The following CWC27 variants were observed in gnomAD, a reference collection of about 807,000 sequenced individuals.
CWC27 encodes the protein spliceosome-associated protein CWC27 homolog.
CWC27 carries 47 observed loss-of-function variants against 63.6 expected under a neutral mutation model. That is an observed-to-expected ratio of 0.74 (90% CI 0.58 to 0.94). The LOEUF is 0.94. Ranked by LOEUF, CWC27 falls within the 40% of genes least tolerant of loss-of-function variation. CWC27 has a pLI of 0.00. For synonymous variants in CWC27, 175 were observed against 179.8 expected, an observed-to-expected ratio of 0.97 and a Z score of 0.22; for missense variants, 495 against 554.3, an observed-to-expected ratio of 0.89 and a Z score of 1.07.
intron 11 of CWC27, among the ~76,000 whole-genome samples, chr5:64,918,586 G>T (rs1747935951): frequency 6.6e-6 from 1 of 152,066 alleles, no homozygotes; most frequent in African/African-American, 2.4e-5. Flanking sequence ...AGAAAATGGA[G>T]TTCTTAATTT....
chr5:64,821,035 A>G lies in CWC27; in HGVS notation c.938+16649A>G, dbSNP rs188697729. Among the ~76,000 whole-genome samples the G allele has an allele frequency of 1.9e-3, 289 of 152,116 alleles. 2 individuals carry two copies. Among genetic ancestry groups the G allele is most frequent in the Non-Finnish European group, 3.6e-3 (245 of 67,986 alleles). On this transcript the variant is annotated intron_variant, in intron 10 of 13. Coordinates refer to ENST00000381070, the MANE Select transcript of CWC27 (RefSeq NM_005869.4). ...ACCATATATCTGATAAAAGACTTGT[A>G]TCCAGAATATATAAAGAACTCTTAA... is the stretch of plus-strand genomic sequence containing the variant.
intron 11 of CWC27, among the ~76,000 whole-genome samples, chr5:64,896,533 A>G (rs1349825732): frequency 6.6e-6 from 1 of 152,178 alleles, no homozygotes; most frequent in Non-Finnish European, 1.5e-5. Context: ...CGGCCCTTTT[A>G]TTGTTTGGGA....
At chr5:64,869,819 T>A (rs1293345511) in intron 10 of CWC27, among the ~76,000 whole-genome samples, 1 of 152,070 alleles carries the variant, frequency 6.6e-6, no homozygotes, top group African/African-American at 2.4e-5. Flanking sequence ...TTTATGTGTC[T>A]AGATGGCTAG....
chr5:64,960,077 T>C (rs1192081767), intron 11 of CWC27, among the ~76,000 whole-genome samples: 1 of 152,174 alleles, frequency 6.6e-6, no homozygotes, highest in Non-Finnish European at 1.5e-5. Flanking sequence ...TTTTTTCCCC[T>C]CATTATCCAT....
intron 11 of CWC27, among the ~76,000 whole-genome samples, chr5:64,960,903 A>G (rs1256748325): frequency 6.7e-6 from 1 of 148,326 alleles, no homozygotes; most frequent in Non-Finnish European, 1.5e-5. Context: ...CTGCACCACT[A>G]CACCCAGCTC....
chr5:65,013,842 T>C (rs1378192897), intron 13 of CWC27, among the ~76,000 whole-genome samples: 1 of 152,192 alleles, frequency 6.6e-6, no homozygotes, highest in African/African-American at 2.4e-5. Flanking sequence ...TAGCTGTTTA[T>C]ATTATATAAG....
At chr5:64,809,330 A>G (rs900577643) in intron 10 of CWC27, among the ~76,000 whole-genome samples, 3 of 152,192 alleles carry the variant, frequency 2.0e-5, no homozygotes, top group African/African-American at 7.2e-5. Flanking sequence ...GCAATTTTGA[A>G]GTACATTAAC....
intron 10 of CWC27, among the ~76,000 whole-genome samples, chr5:64,808,977 T>C (rs945396394): frequency 2.6e-5 from 4 of 152,140 alleles, no homozygotes; most frequent in African/African-American, 9.7e-5. Context: ...TATTTCATAG[T>C]GCACATAAGT....
At chr5:64,939,202 A>G (rs932910382) in intron 11 of CWC27, among the ~76,000 whole-genome samples, 1 of 151,954 alleles carries the variant, frequency 6.6e-6, no homozygotes, top group African/African-American at 2.4e-5. Flanking sequence ...GATTTTTGGA[A>G]TTTTCAACCT....
At chr5:64,813,709 T>C (rs1207336077) in intron 10 of CWC27, among the ~76,000 whole-genome samples, 1 of 152,170 alleles carries the variant, frequency 6.6e-6, no homozygotes, top group Non-Finnish European at 1.5e-5. Flanking sequence ...CCGGAACAAA[T>C]ATAGTCATGT....
At chr5:64,875,921 A>C (rs904506549) in intron 10 of CWC27, among the ~76,000 whole-genome samples, 1 of 152,096 alleles carries the variant, frequency 6.6e-6, no homozygotes, top group African/African-American at 2.4e-5. Flanking sequence ...GTACTATGCT[A>C]AGTATGCTAA....
chr5:64,798,983 G>C (rs911392349), intron 7 of CWC27, among the ~76,000 whole-genome samples: 11 of 152,196 alleles, frequency 7.2e-5, no homozygotes, highest in Non-Finnish European at 1.6e-4. Flanking sequence ...CCCTGCAGTA[G>C]GGAAATCTGT....
rs199660407 is a variant in CWC27 at position 64,790,947 on chromosome 5, G to GT, written c.669+1934dup. On this transcript the variant is annotated intron_variant, in intron 7 of 13. Transcript: ENST00000381070. ...GTAGAATCAGAATTTTGAACTGAGG[G>GT]TTTTTTTAGCTAGTTAAGTCTCTCA... 7.6e-3 allele frequency among the ~76,000 whole-genome samples: 1,150 copies of GT among 152,078 alleles called. 11 individuals carry two copies. Among genetic ancestry groups the GT allele is most frequent in the African/African-American group, 0.015 (615 of 41,500 alleles).
At chr5:64,855,816 A>G (rs6868647) in intron 10 of CWC27, among the ~76,000 whole-genome samples, 55,228 of 151,982 alleles carry the variant, frequency 0.36, 10,631 homozygotes, top group East Asian at 0.51. Context: ...CTACCAGATC[A>G]AATACATGGG....
At chr5:64,914,199 CA>C (rs1404496056) in intron 11 of CWC27, among the ~76,000 whole-genome samples, 1 of 152,020 alleles carries the variant, frequency 6.6e-6, no homozygotes, top group Non-Finnish European at 1.5e-5. Context: ...AATGACAAAG[CA>C]ATAAAACTTC....
intron 6 of CWC27, 32 bp from the exon 7 acceptor site, chr5:64,788,919 C>CTTTTTTTTT (rs11340181): frequency 8.1e-7 from 1 of 1,240,828 alleles, no homozygotes; most frequent in Non-Finnish European, 1.1e-6. Context: ...CTTTCTCTTT[C>CTTTTTTTTT]TTTTTTTTTT....
At chr5:64,974,242 A>G (rs552351631) in intron 12 of CWC27, among the ~76,000 whole-genome samples, 1 of 152,170 alleles carries the variant, frequency 6.6e-6, no homozygotes, top group South Asian at 2.1e-4. Context: ...TATCTCTTAA[A>G]AAAAAAAATG....
chr5:64,964,518 C>T (rs946099147), intron 11 of CWC27, among the ~76,000 whole-genome samples: 8 of 152,104 alleles, frequency 5.3e-5, no homozygotes, highest in Non-Finnish European at 1.2e-4. Context: ...TTTAGTAGTA[C>T]ATGGAATTTT....
At chr5:64,874,382 G>A (rs1467597037) in intron 10 of CWC27, among the ~76,000 whole-genome samples, 1 of 151,348 alleles carries the variant, frequency 6.6e-6, no homozygotes, top group Non-Finnish European at 1.5e-5. Flanking sequence ...GGCTGGTCTC[G>A]AACTCCTGAC....
Sources: gnomAD v4.1 joint callset for allele counts (sites outside exome capture counted in the v4.1 genomes callset) on GRCh38, gnomAD v4.1.1 for gene constraint, MANE v1.5 for transcripts, NCBI Gene and HGNC (gene_info 2026-07-23, HGNC 2026-07-21) for gene names.